Variants in IFT88 observed in about 807,000 individuals in gnomAD.
IFT88 encodes the protein intraflagellar transport 88.
Under a neutral mutation model 119.5 loss-of-function variants are expected in IFT88, and 74 were observed. That is an observed-to-expected ratio of 0.62 (90% CI 0.51 to 0.75). The LOEUF is 0.75. IFT88 is among the 30% of genes least tolerant of loss of function. The pLI is 0.00. For missense variants in IFT88, 961 were observed against 977.7 expected (o/e 0.98, Z 0.23); for synonymous variants, 279 against 316.7 (o/e 0.88, Z 1.26).
At chr13:20,674,004 C>A (rs7982574) in intron 24 of IFT88, among the ~76,000 whole-genome samples, 1 of 152,120 alleles carries the variant, frequency 6.6e-6, no homozygotes, top group East Asian at 1.9e-4. Context: ...TCTGACATCT[C>A]GAGTTATGCA....
chr13:20,671,524 C>T (rs1372932326), intron 24 of IFT88, among the ~76,000 whole-genome samples: 1 of 152,176 alleles, frequency 6.6e-6, no homozygotes, highest in Non-Finnish European at 1.5e-5. Context: ...GTATATATGT[C>T]TTTGGACCAA....
At chr13:20,576,719 T>C (rs1450334597) in intron 2 of IFT88, among the ~76,000 whole-genome samples, 18 of 152,194 alleles carry the variant, frequency 1.2e-4, no homozygotes, top group Admixed American at 9.8e-4. Context: ...TTCTGTTCCA[T>C]TAGTCTGTCT....
chr13:20,664,953 C>T (rs1033209110), intron 23 of IFT88, among the ~76,000 whole-genome samples: 2 of 151,900 alleles, frequency 1.3e-5, no homozygotes. Flanking sequence ...GTGGAGGGCA[C>T]CTGTAGTCCC....
chr13:20,669,502 C>A (rs2055408865), intron 23 of IFT88, among the ~76,000 whole-genome samples: 2 of 151,086 alleles, frequency 1.3e-5, no homozygotes, highest in African/African-American at 4.9e-5. Context: ...CGGCTCACTG[C>A]AACCCCCACC....
Position 20,625,753 on chromosome 13 carries a change from C to A in IFT88, c.1203C>A (p.Cys401Ter). The change falls in exon 15 of 26, where the codon TGC becomes TGA. Residue 401 changes from cysteine to a stop codon, truncating the protein, a stop_gained. Coordinates refer to ENST00000351808, the MANE Select transcript of IFT88 (RefSeq NM_006531.5). LOFTEE classifies it high-confidence loss of function. ...TTTTTTATGCTTTCCCTTATAGGTGCGTGGAAGTGGTGAAAGCTTCTCAAT... is the reference window on the plus strand; with the variant it reads ...TTTTTTATGCTTTCCCTTATAGGTGAGTGGAAGTGGTGAAAGCTTCTCAAT... ...ETSFAAGYDW[C>*]VEVVKASQYV... 1 of 1,593,578 alleles carries A rather than the reference C, an allele frequency of 6.3e-7. No individual in the cohort carries two copies. The highest frequency in any genetic ancestry group is 8.5e-7 in the Non-Finnish European group (1 of 1,169,606).
intron 22 of IFT88, among the ~76,000 whole-genome samples, chr13:20,657,042 A>G (rs530233558): frequency 6.6e-6 from 1 of 152,280 alleles, no homozygotes; most frequent in East Asian, 1.9e-4. Flanking sequence ...TATTTTTAGT[A>G]GAGACGGGTT....
At chr13:20,569,794 C>T (rs193225497) in intron 1 of IFT88, among the ~76,000 whole-genome samples, 6 of 151,740 alleles carry the variant, frequency 4.0e-5, no homozygotes, top group Middle Eastern at 3.4e-3. Context: ...TCTGGGAGGC[C>T]GAGGTGGGCG....
chr13:20,667,066 A>G (rs1225025708), intron 23 of IFT88, among the ~76,000 whole-genome samples: 1 of 152,190 alleles, frequency 6.6e-6, no homozygotes, highest in Non-Finnish European at 1.5e-5. Context: ...TTTGTGCTCC[A>G]TATTTTGTTA....
chr13:20,669,068 C>T (rs1015725547), intron 23 of IFT88, among the ~76,000 whole-genome samples: 1 of 152,088 alleles, frequency 6.6e-6, no homozygotes. Flanking sequence ...CTGAACCAAC[C>T]GAGGCTTAGG....
chr13:20,632,189 CCA>C (rs1478328019), intron 16 of IFT88: 7 of 151,776 alleles, frequency 4.6e-5, no homozygotes, highest in Admixed American at 2.6e-4. Context: ...CTTTGAGAAC[CCA>C]TACGATTTTA....
chr13:20,684,948 C>T (rs892995136), intron 24 of IFT88, among the ~76,000 whole-genome samples: 8 of 152,202 alleles, frequency 5.3e-5, no homozygotes, highest in African/African-American at 1.9e-4. Context: ...AACCCAGCAG[C>T]ACTAGAGGAA....
intron 16 of IFT88, among the ~76,000 whole-genome samples, chr13:20,633,088 ATGT>A (rs1292949509): frequency 6.6e-6 from 1 of 152,146 alleles, no homozygotes; most frequent in African/African-American, 2.4e-5. Flanking sequence ...GGGGGAAAAG[ATGT>A]TGTGTTTCTT....
intron 25 of IFT88, 82 bp downstream of exon 25, chr13:20,690,897 T>G (rs576436154): frequency 5.1e-6 from 7 of 1,381,006 alleles, no homozygotes; most frequent in Non-Finnish European, 7.2e-6. Context: ...TTGCTGGGAA[T>G]TCTTAAGAAT....
chr13:20,682,872 C>A (rs1032096175), intron 24 of IFT88, among the ~76,000 whole-genome samples: 3 of 152,310 alleles, frequency 2.0e-5, no homozygotes, highest in Admixed American at 6.5e-5. Context: ...AGGTTGTTTA[C>A]CACAGGAATT....
At chr13:20,570,984 A>G (rs115805757) in intron 1 of IFT88, among the ~76,000 whole-genome samples, 8,295 of 151,948 alleles carry the variant, frequency 0.055, 318 homozygotes, top group African/African-American at 0.097. Flanking sequence ...TTTTTTATTT[A>G]TTTATTTTTA....
Position 20,671,021 on chromosome 13 carries a change from G to A in IFT88, c.2224G>A (p.Glu742Lys). 2 of 1,613,998 alleles carry A rather than the reference G, an allele frequency of 1.2e-6. No individual in the cohort carries two copies. Among genetic ancestry groups the A allele is most frequent in the Middle Eastern group, 1.6e-4 (1 of 6,062 alleles). ...DGSGGSRGKREGSASGDSGQN... is the reference protein window; with the variant it reads ...DGSGGSRGKRKGSASGDSGQN... ...CAGTGGGGGCTCCCGTGGCAAAAGA[G>A]AAGGAAGTGCTAGCGGTGGTAAGTA... The change falls in exon 24 of 26, where the codon GAA (glutamate) becomes AAA (lysine). Residue 742 changes from glutamate to lysine, a missense_variant. Coordinates refer to ENST00000351808, the MANE Select transcript of IFT88 (RefSeq NM_006531.5).
chr13:20,573,156 T>C (rs769016245), intron 1 of IFT88, among the ~76,000 whole-genome samples: 18 of 152,152 alleles, frequency 1.2e-4, no homozygotes, highest in Non-Finnish European at 2.5e-4. Flanking sequence ...GGCTAAGTAA[T>C]CATGTCTTGA....
intron 7 of IFT88, among the ~76,000 whole-genome samples, chr13:20,595,408 G>A (rs2041471170): frequency 6.6e-6 from 1 of 151,978 alleles, no homozygotes; most frequent in Non-Finnish European, 1.5e-5. Context: ...TCCTGCCTCA[G>A]CCTCCCAAGT....
chr13:20,651,979 G>A (rs2051806713), intron 20 of IFT88, among the ~76,000 whole-genome samples: 1 of 152,144 alleles, frequency 6.6e-6, no homozygotes, highest in Non-Finnish European at 1.5e-5. Flanking sequence ...AGACACAAAA[G>A]AACAAATACT....
Sources: allele counts gnomAD v4.1 joint callset (sites outside exome capture counted in the v4.1 genomes callset), GRCh38; gene constraint gnomAD v4.1.1; transcripts MANE v1.5; gene names NCBI Gene and HGNC (gene_info 2026-07-23, HGNC 2026-07-21).